Variants in OR52B2 observed in about 807,000 individuals in gnomAD.
OR52B2 encodes the protein olfactory receptor family 52 subfamily B member 2.
In OR52B2, 16 loss-of-function variants were observed where a neutral mutation model predicts 12.8. That is an observed-to-expected ratio of 1.25 (90% confidence interval 0.85 to 1.90). The LOEUF (loss-of-function observed/expected upper bound fraction) is 1.90. Ranked by LOEUF, OR52B2 falls within the 40% of genes most tolerant of loss-of-function variation. OR52B2 has a pLI of 0.00. For missense variants in OR52B2, 465 were observed against 407.8 expected (o/e 1.14, Z -1.21); for synonymous variants, 169 against 152.2 (o/e 1.11, Z -0.81).
At position 6,169,534 on chromosome 11, in the gene OR52B2, G is replaced by C. The variant is rs748845579; in HGVS notation, c.793C>G (p.His265Asp). Residue 265 changes from histidine (H) to aspartate (D), a missense_variant, in exon 1 of 1, where the codon CAT (histidine) becomes GAT (aspartate). Physicochemically the swap from His to Asp is moderately conservative, Grantham distance 81. Transcript: ENST00000530810. ...TGTTGAGGAATATTACGCCCAAAAT[G>C]ATGGGTCAATAAGGTAAAGAAGGAT... ...VPSFFTLLTHHFGRNIPQHVH... is the reference protein window; with the variant it reads ...VPSFFTLLTHDFGRNIPQHVH... The C allele has an allele frequency of 1.1e-5, 17 of 1,613,714 alleles. No individual in the cohort carries two copies. Among genetic ancestry groups the C allele is most frequent in the Admixed American group, 1.7e-5 (1 of 59,952 alleles).
At position 6,169,476 on chromosome 11, in the gene OR52B2, G is replaced by A; in HGVS notation, c.851C>T (p.Ala284Val). Residue 284 changes from alanine (A) to valine (V), a missense_variant, in exon 1 of 1, where the codon GCA becomes GTA. Transcript: ENST00000530810. ...VHILLANLYV[A>V]VPPMLNPIVY... The stretch of plus-strand genomic sequence containing the variant: ...AATGGGGTTCAGCATTGGTGGCACT[G>A]CCACATAAAGATTGGCCAGCAAGAT... 1 of 1,613,790 alleles carries A rather than the reference G, an allele frequency of 6.2e-7. No individual in the cohort carries two copies. The highest frequency in any genetic ancestry group is 8.5e-7 in the Non-Finnish European group (1 of 1,179,874).
rs147668114 is a variant in OR52B2 at position 6,169,404 on chromosome 11, C to T, written c.923G>A (p.Arg308Gln). The T allele has an allele frequency of 3.8e-5, 61 of 1,613,548 alleles. No homozygotes were observed. The highest frequency in any genetic ancestry group is 4.7e-5 in the Non-Finnish European group (56 of 1,179,832). Residue 308 changes from arginine (R) to glutamine (Q), a missense_variant, in exon 1 of 1, where the codon CGG (arginine) becomes CAG (glutamine). By Grantham distance (43) the Arg-to-Gln change is conservative. Transcript: ENST00000530810. Reference sequence around the variant, plus strand: ...GCACCAAGTCTTGATGTCAAAGAACCGGTGGGCTACACCCTCACGTATCTG... The same window carrying T: ...GCACCAAGTCTTGATGTCAAAGAACTGGTGGGCTACACCCTCACGTATCTG... ...TKQIREGVAH[R>Q]FFDIKTWCCT...
Position 6,169,543 on chromosome 11 carries a change from A to G in OR52B2, c.784T>C (p.Leu262=). The change falls in exon 1 of 1, where the codon TTG becomes CTG. Residue 262 remains leucine (L), a synonymous_variant. Transcript: ENST00000530810. ...MFYVPSFFTL[L]THHFGRNIPQ... is the part of the protein sequence containing the mutation. ...ATATTACGCCCAAAATGATGGGTCA[A>G]TAAGGTAAAGAAGGATGGAACATAA... 6.2e-7 allele frequency: 1 copy of G among 1,613,860 alleles called. No homozygotes were observed. The highest frequency in any genetic ancestry group is 8.5e-7 in the Non-Finnish European group (1 of 1,179,882).
rs763416747 is a variant in OR52B2, at chr11:6,169,373, G to A, written c.954C>T (p.Thr318=). ...RFFDIKTWCC[T]SPLGS is the part of the protein sequence containing the mutation. ...TGAAGATTCATGAGCCCAGAGGGGA[G>A]GTACAGCACCAAGTCTTGATGTCAA... The change falls in exon 1 of 1, where the codon ACC becomes ACT. Residue 318 remains threonine, a synonymous_variant. Coordinates refer to ENST00000530810, the MANE Select transcript of OR52B2 (RefSeq NM_001004052.1). 1 of 1,612,728 alleles carries A rather than the reference G, an allele frequency of 6.2e-7. No homozygotes were observed. The highest frequency in any genetic ancestry group is 1.1e-5 in the South Asian group (1 of 91,062).
Position 6,170,131 on chromosome 11 carries a change from A to G in OR52B2, c.196T>C (p.Ser66Pro). The G allele has an allele frequency of 5.0e-6, 8 of 1,613,842 alleles. No homozygotes were observed. Among genetic ancestry groups the G allele is most frequent in the Non-Finnish European group, 6.8e-6 (8 of 1,179,890 alleles). The stretch of plus-strand genomic sequence containing the variant: ...AGGATGTCCATGACGGCCAGCATTG[A>G]GAGGAAGAAATACATGGGCACATGA... ...NLHVPMYFFLSMLAVMDILLS... is the reference protein window; with the variant it reads ...NLHVPMYFFLPMLAVMDILLS... The change falls in exon 1 of 1, where the codon TCA becomes CCA. Residue 66 changes from serine to proline, a missense_variant. Transcript: ENST00000530810.
chr11:6,169,416 C>A lies in OR52B2; in HGVS notation c.911G>T (p.Gly304Val). Reference protein sequence around the residue: ...YGVKTKQIREGVAHRFFDIKT... With the variant: ...YGVKTKQIREVVAHRFFDIKT... ...GATGTCAAAGAACCGGTGGGCTACACCCTCACGTATCTGCTTAGTCTTCAC... is the reference window on the plus strand; with the variant it reads ...GATGTCAAAGAACCGGTGGGCTACAACCTCACGTATCTGCTTAGTCTTCAC... Residue 304 changes from glycine to valine, a missense_variant, in exon 1 of 1, where the codon GGT (glycine) becomes GTT (valine). By Grantham distance (109) the Gly-to-Val change is moderately radical. Coordinates refer to ENST00000530810, the MANE Select transcript of OR52B2 (RefSeq NM_001004052.1). The A allele has an allele frequency of 6.2e-7, 1 of 1,613,722 alleles. No individual in the cohort carries two copies. The highest frequency in any genetic ancestry group is 8.5e-7 in the Non-Finnish European group (1 of 1,179,828).
At position 6,170,306 on chromosome 11, in the gene OR52B2, G is replaced by T; in HGVS notation, c.21C>A (p.Thr7=). 1.2e-6 allele frequency: 2 copies of T among 1,606,800 alleles called. No individual in the cohort carries two copies. The highest frequency in any genetic ancestry group is 2.2e-5 in the South Asian group (2 of 91,038). Residue 7 remains threonine, a synonymous_variant, in exon 1 of 1, where the codon ACC becomes ACA. Coordinates refer to ENST00000530810, the MANE Select transcript of OR52B2 (RefSeq NM_001004052.1). MSHTNV[T]IFHPAVFVLP... ...GGACAAAAACTGCAGGATGGAAGAT[G>T]GTAACATTGGTGTGACTCATGATGC... is the stretch of plus-strand genomic sequence containing the variant.
rs772681626 is a variant in OR52B2 at position 6,169,528 on chromosome 11, C to A, written c.799G>T (p.Gly267Trp). ...SFFTLLTHHF[G>W]RNIPQHVHIL... Reference sequence around the variant, plus strand: ...TGGACATGTTGAGGAATATTACGCCCAAAATGATGGGTCAATAAGGTAAAG... The same window carrying A: ...TGGACATGTTGAGGAATATTACGCCAAAAATGATGGGTCAATAAGGTAAAG... The change falls in exon 1 of 1, where the codon GGG becomes TGG. Residue 267 changes from glycine to tryptophan, a missense_variant. Gly to Trp is a radical substitution (Grantham distance 184). Coordinates refer to ENST00000530810, the MANE Select transcript of OR52B2 (RefSeq NM_001004052.1). The A allele has an allele frequency of 6.2e-7, 1 of 1,613,706 alleles. No homozygotes were observed. Among genetic ancestry groups the A allele is most frequent in the Non-Finnish European group, 8.5e-7 (1 of 1,179,852 alleles).
At position 6,170,217 on chromosome 11, in the gene OR52B2, T is replaced by C. The variant is rs1564844567; in HGVS notation, c.110A>G (p.Tyr37Cys). Residue 37 changes from tyrosine to cysteine, a missense_variant, in exon 1 of 1, where the codon TAC (tyrosine) becomes TGC (cysteine). Physicochemically the swap from Tyr to Cys is radical, Grantham distance 194. Transcript: ENST00000530810. ...GCTGTTTCCCAGGACTGCAGTGATGTAAATGAGGCAAAGAGGTATTGACAG... is the reference window on the plus strand; with the variant it reads ...GCTGTTTCCCAGGACTGCAGTGATGCAAATGAGGCAAAGAGGTATTGACAG... ...IWLSIPLCLI[Y>C]ITAVLGNSIL... 1 of 1,613,650 alleles carries C rather than the reference T, an allele frequency of 6.2e-7. No homozygotes were observed. The highest frequency in any genetic ancestry group is 1.1e-5 in the South Asian group (1 of 91,080).
rs748347874 is a variant in OR52B2 at position 6,170,270 on chromosome 11, G to A, written c.57C>T (p.Ile19=). The change falls in exon 1 of 1, where the codon ATC becomes ATT. Residue 19 remains isoleucine (I), a synonymous_variant. Transcript: ENST00000530810. ...AAATGTGATAAGCCTCCAACCCAGG[G>A]ATGCCAGGAAGGACAAAAACTGCAG... is the stretch of plus-strand genomic sequence containing the variant. ...FHPAVFVLPG[I]PGLEAYHIWL... 1.2e-6 allele frequency: 2 copies of A among 1,612,100 alleles called. No individual in the cohort carries two copies. Among genetic ancestry groups the A allele is most frequent in the Non-Finnish European group, 1.7e-6 (2 of 1,179,750 alleles).
chr11:6,169,414 C>T lies in OR52B2; in HGVS notation c.913G>A (p.Val305Ile). ...GVKTKQIREG[V>I]AHRFFDIKTW... ...TTGATGTCAAAGAACCGGTGGGCTA[C>T]ACCCTCACGTATCTGCTTAGTCTTC... The change falls in exon 1 of 1, where the codon GTA becomes ATA. Residue 305 changes from valine (V) to isoleucine (I), a missense_variant. Coordinates refer to ENST00000530810, the MANE Select transcript of OR52B2 (RefSeq NM_001004052.1). The T allele has an allele frequency of 6.2e-7, 1 of 1,613,734 alleles. No homozygotes were observed. The highest frequency in any genetic ancestry group is 8.5e-7 in the Non-Finnish European group (1 of 1,179,804).
Position 6,169,377 on chromosome 11 carries a change from C to A in OR52B2, c.950G>T (p.Cys317Phe), listed in dbSNP as rs368087230. The change falls in exon 1 of 1, where the codon TGT becomes TTT. Residue 317 changes from cysteine (C) to phenylalanine (F), a missense_variant. Cys to Phe is a radical substitution (Grantham distance 205, BLOSUM62 -2). Coordinates refer to ENST00000530810, the MANE Select transcript of OR52B2 (RefSeq NM_001004052.1). ...GATTCATGAGCCCAGAGGGGAGGTA[C>A]AGCACCAAGTCTTGATGTCAAAGAA... ...HRFFDIKTWC[C>F]TSPLGS 4 of 1,613,240 alleles carry A rather than the reference C, an allele frequency of 2.5e-6. No individual in the cohort carries two copies. The African/African-American group carries it at 5.3e-5, about 22-fold the overall frequency.
In OR52B2 at chr11:6,169,797, G is replaced by A; in HGVS notation, c.530C>T (p.Pro177Leu). Residue 177 changes from proline to leucine, a missense_variant, in exon 1 of 1, where the codon CCT becomes CTT. Coordinates refer to ENST00000530810, the MANE Select transcript of OR52B2 (RefSeq NM_001004052.1). ...TCCAATATGCTCACAGTAGGAGTGA[G>A]GAACAATGTTGGTTAGGCAGAAGGG... ...RLPFCLTNIV[P>L]HSYCEHIGVA... 6.2e-7 allele frequency: 1 copy of A among 1,613,788 alleles called. No individual in the cohort carries two copies. The highest frequency in any genetic ancestry group is 8.5e-7 in the Non-Finnish European group (1 of 1,179,848).
At position 6,169,534 on chromosome 11, in the gene OR52B2, G is replaced by T; in HGVS notation, c.793C>A (p.His265Asn). The T allele has an allele frequency of 1.9e-6, 3 of 1,613,830 alleles. No homozygotes were observed. The highest frequency in any genetic ancestry group is 2.5e-6 in the Non-Finnish European group (3 of 1,179,870). Residue 265 changes from histidine (H) to asparagine (N), a missense_variant, in exon 1 of 1, where the codon CAT becomes AAT. Physicochemically the swap from His to Asn is moderately conservative, Grantham distance 68 (BLOSUM62 1). Coordinates refer to ENST00000530810, the MANE Select transcript of OR52B2 (RefSeq NM_001004052.1). ...TGTTGAGGAATATTACGCCCAAAAT[G>T]ATGGGTCAATAAGGTAAAGAAGGAT... ...VPSFFTLLTH[H>N]FGRNIPQHVH...
rs1297716610 is a variant in OR52B2, at chr11:6,169,535, A to G, written c.792T>C (p.His264=). 8.1e-6 allele frequency: 13 copies of G among 1,613,734 alleles called. No individual in the cohort carries two copies. The highest frequency in any genetic ancestry group is 1.0e-5 in the Non-Finnish European group (12 of 1,179,878). ...YVPSFFTLLT[H]HFGRNIPQHV... ...GTTGAGGAATATTACGCCCAAAATG[A>G]TGGGTCAATAAGGTAAAGAAGGATG... The change falls in exon 1 of 1, where the codon CAT becomes CAC. Residue 264 remains histidine (H), a synonymous_variant. Coordinates refer to ENST00000530810, the MANE Select transcript of OR52B2 (RefSeq NM_001004052.1).
In OR52B2 at chr11:6,169,582, C is replaced by T. The variant is rs767344886; in HGVS notation, c.745G>A (p.Val249Ile). 1 of 1,613,820 alleles carries T rather than the reference C, an allele frequency of 6.2e-7. No homozygotes were observed. Among genetic ancestry groups the T allele is most frequent in the Non-Finnish European group, 8.5e-7 (1 of 1,179,888 alleles). Residue 249 changes from valine to isoleucine, a missense_variant, in exon 1 of 1, where the codon GTC becomes ATC. By Grantham distance (29) the Val-to-Ile change is conservative. Transcript: ENST00000530810. Reference protein sequence around the residue: ...ALSTCGSHLCVILMFYVPSFF... With the variant: ...ALSTCGSHLCIILMFYVPSFF... ...GATGGAACATAAAACATAAGGATGA[C>T]ACAGAGGTGGGAGCCACAAGTGCTG...
rs906891034 is a variant in OR52B2, at chr11:6,170,146, T to A, written c.181A>T (p.Met61Leu). 2.5e-6 allele frequency: 4 copies of A among 1,613,620 alleles called. No individual in the cohort carries two copies. Among genetic ancestry groups the A allele is most frequent in the African/African-American group, 2.7e-5 (2 of 74,756 alleles). ...IVMERNLHVP[M>L]YFFLSMLAVM... ...GCCAGCATTGAGAGGAAGAAATACA[T>A]GGGCACATGAAGGTTACGTTCCATG... Residue 61 changes from methionine (M) to leucine (L), a missense_variant, in exon 1 of 1, where the codon ATG becomes TTG. Met to Leu is a conservative substitution (Grantham distance 15). Transcript: ENST00000530810.
rs558250641 is a variant in OR52B2, at chr11:6,169,418, C to A, written c.909G>T (p.Glu303Asp). Residue 303 changes from glutamate (E) to aspartate (D), a missense_variant, in exon 1 of 1, where the codon GAG (glutamate) becomes GAT (aspartate). Glu to Asp is a conservative substitution (Grantham distance 45, BLOSUM62 2). Transcript: ENST00000530810. The part of the protein sequence containing the change: ...VYGVKTKQIR[E>D]GVAHRFFDIK... ...TGTCAAAGAACCGGTGGGCTACACC[C>A]TCACGTATCTGCTTAGTCTTCACAC... is the stretch of plus-strand genomic sequence containing the variant. 1.2e-6 allele frequency: 2 copies of A among 1,613,678 alleles called. No homozygotes were observed. The highest frequency in any genetic ancestry group is 1.7e-5 in the Admixed American group (1 of 59,964).
At position 6,169,666 on chromosome 11, in the gene OR52B2, A is replaced by G. The variant is rs1846643882; in HGVS notation, c.661T>C (p.Ser221Pro). The G allele has an allele frequency of 6.2e-7, 1 of 1,613,804 alleles. No homozygotes were observed. Among genetic ancestry groups the G allele is most frequent in the East Asian group, 2.2e-5 (1 of 44,882 alleles). ...CGAAACACTGCTCGGAGGATCAGTG[A>G]GTAAGACACAGCGATGAGGATAACA... is the stretch of plus-strand genomic sequence containing the variant. ...LDVILIAVSY[S>P]LILRAVFRLP... is the part of the protein sequence containing the mutation. The change falls in exon 1 of 1, where the codon TCA (serine) becomes CCA (proline). Residue 221 changes from serine to proline, a missense_variant. Physicochemically the swap from Ser to Pro is moderately conservative, Grantham distance 74. Transcript: ENST00000530810.
Sources: gnomAD v4.1 joint callset for allele counts on GRCh38, gnomAD v4.1.1 for gene constraint, MANE v1.5 for transcripts, NCBI Gene and HGNC (gene_info 2026-07-23, HGNC 2026-07-21) for gene names.